B3GLCT: variants seen among roughly 807,000 people sequenced by gnomAD.
The protein encoded by B3GLCT is beta 3-glucosyltransferase.
In B3GLCT, 65 loss-of-function variants were observed where a neutral mutation model predicts 63.4. The ratio of observed to expected loss-of-function variants is 1.03; its 90% CI spans 0.84 to 1.26. The LOEUF (loss-of-function observed/expected upper bound fraction) is 1.26, where lower values mean the gene tolerates loss of function less well. B3GLCT is among the 50% of genes most tolerant of loss of function. B3GLCT has a pLI of 0.00. For missense variants in B3GLCT, 577 were observed against 604.8 expected (o/e 0.95, Z 0.48); for synonymous variants, 233 against 219.2 (o/e 1.06, Z -0.55).
chr13:31,237,081 G>A (rs909043328), intron 4 of B3GLCT, among the ~76,000 whole-genome samples: 12 of 149,810 alleles, frequency 8.0e-5, no homozygotes, highest in African/African-American at 2.5e-4. Flanking sequence ...ACCCGAGATC[G>A]CACCACTGCA....
chr13:31,236,046 A>G (rs534055399), intron 4 of B3GLCT, among the ~76,000 whole-genome samples: 1 of 152,296 alleles, frequency 6.6e-6, no homozygotes, highest in African/African-American at 2.4e-5. Flanking sequence ...ATTTCCTTGG[A>G]TGCTCATTTG....
chr13:31,222,438 A>G (rs1452122087), intron 2 of B3GLCT, among the ~76,000 whole-genome samples: 1 of 152,154 alleles, frequency 6.6e-6, no homozygotes, highest in East Asian at 1.9e-4. Flanking sequence ...GCAGGCCCCT[A>G]GGACTACTCC....
intron 8 of B3GLCT, among the ~76,000 whole-genome samples, chr13:31,273,185 C>T (rs192207014): frequency 1.1e-3 from 169 of 152,340 alleles, no homozygotes; most frequent in Non-Finnish European, 2.0e-3. Flanking sequence ...ACCTCCATCT[C>T]CCGGGTTCAA....
chr13:31,296,245 C>T (rs1873937009), intron 12 of B3GLCT, among the ~76,000 whole-genome samples: 1 of 152,246 alleles, frequency 6.6e-6, no homozygotes, highest in African/African-American at 2.4e-5. Flanking sequence ...CAGACCGGAG[C>T]TGTTCCTATT....
intron 6 of B3GLCT, among the ~76,000 whole-genome samples, chr13:31,253,056 A>G (rs1384524103): frequency 6.6e-6 from 1 of 152,224 alleles, no homozygotes. Context: ...GGACTAAGAA[A>G]CTCACTCAAA....
At chr13:31,284,363 A>T (rs1250694975) in intron 10 of B3GLCT, among the ~76,000 whole-genome samples, 1 of 152,222 alleles carries the variant, frequency 6.6e-6, no homozygotes, top group Non-Finnish European at 1.5e-5. Context: ...ATGTAAACAC[A>T]ATAGCATAAT....
intron 3 of B3GLCT, among the ~76,000 whole-genome samples, chr13:31,225,573 G>A (rs1870054427): frequency 6.6e-6 from 1 of 152,232 alleles, no homozygotes; most frequent in Non-Finnish European, 1.5e-5. Context: ...TAGCATGTCA[G>A]TGATCTTCCG....
intron 4 of B3GLCT, 101 bp from the exon 5 acceptor site, chr13:31,246,921 CT>C (rs1178195394): frequency 1.7e-5 from 16 of 932,648 alleles, no homozygotes; most frequent in Admixed American, 5.4e-5. Flanking sequence ...CAAGCCTTTT[CT>C]TTTTTTCTTT....
chr13:31,316,407 T>TTTTATATATATATATATATATA lies in B3GLCT; in HGVS notation c.1065-1158_1065-1157insTTATATATATATATATATATAT, dbSNP rs1239451482. On this transcript the variant is annotated intron_variant, in intron 12 of 14. Transcript: ENST00000343307. Reference sequence around the variant, plus strand: ...TGGAATCAAGGAGATTTTGGAGGTTTTATATATATATATATATATATATAA... The same window carrying TTTTATATATATATATATATATA: ...TGGAATCAAGGAGATTTTGGAGGTTTTTTATATATATATATATATATATATATATATATATATATATATATAA... 2.6e-3 allele frequency among the ~76,000 whole-genome samples: 107 copies of TTTTATATATATATATATATATA among 40,834 alleles called. 2 individuals carry two copies. Among genetic ancestry groups the TTTTATATATATATATATATATA allele is most frequent in the African/African-American group, 6.2e-3 (94 of 15,264 alleles). 26.8% of individuals were successfully genotyped at this position (40,834 alleles called of 152,430 possible). A position where few individuals can be genotyped will look rare whatever the true frequency, so the allele number is the denominator to read the frequency against.
At chr13:31,242,892 A>G (rs1379512077) in intron 4 of B3GLCT, among the ~76,000 whole-genome samples, 1 of 152,224 alleles carries the variant, frequency 6.6e-6, no homozygotes, top group South Asian at 2.1e-4. Flanking sequence ...TCAGATTCCT[A>G]GAAGGTATGT....
At chr13:31,228,370 G>C (rs556560508) in intron 3 of B3GLCT, among the ~76,000 whole-genome samples, 231 of 152,340 alleles carry the variant, frequency 1.5e-3, no homozygotes, top group Non-Finnish European at 2.5e-3. Context: ...GAACATTCTT[G>C]AAGTAGTGTA....
intron 12 of B3GLCT, among the ~76,000 whole-genome samples, chr13:31,308,358 A>C (rs866955055): frequency 0.095 from 3,330 of 35,176 alleles, 407 homozygotes; most frequent in African/African-American, 0.14. Context: ...AAAAAAAAAA[A>C]AACAAAAAAA....
At chr13:31,253,621 A>AAT (rs1871560141) in intron 6 of B3GLCT, among the ~76,000 whole-genome samples, 1 of 138,930 alleles carries the variant, frequency 7.2e-6, no homozygotes, top group African/African-American at 2.6e-5. Context: ...AAAAAAAAAA[A>AAT]CTAGAGAAGC....
chr13:31,208,958 G>A lies in B3GLCT; in HGVS notation c.71-6093G>A, dbSNP rs188009700. 2.8e-3 allele frequency among the ~76,000 whole-genome samples: 424 copies of A among 151,946 alleles called. 1 individual carries two copies. Among genetic ancestry groups the A allele is most frequent in the Middle Eastern group, 0.01 (3 of 294 alleles). Reference sequence around the variant, plus strand: ...CCCCTCCTCAGAGGGGTCCCTGCCCGGCCGGGTCACCCCCTCCCCTCAAGG... The same window carrying A: ...CCCCTCCTCAGAGGGGTCCCTGCCCAGCCGGGTCACCCCCTCCCCTCAAGG... On this transcript the variant is annotated intron_variant, in intron 1 of 14. Transcript: ENST00000343307.
chr13:31,202,132 G>C (rs1039234344), intron 1 of B3GLCT, among the ~76,000 whole-genome samples: 1 of 152,216 alleles, frequency 6.6e-6, no homozygotes, highest in Non-Finnish European at 1.5e-5. Context: ...GAACAATCTT[G>C]ATAGTTTATA....
intron 4 of B3GLCT, among the ~76,000 whole-genome samples, chr13:31,230,810 C>A (rs182063889): frequency 6.6e-6 from 1 of 152,126 alleles, no homozygotes; most frequent in African/African-American, 2.4e-5. Flanking sequence ...GAGATCGAGA[C>A]CATCCTGGCC....
intron 8 of B3GLCT, among the ~76,000 whole-genome samples, chr13:31,271,571 G>A (rs532630346): frequency 1.3e-5 from 2 of 152,108 alleles, no homozygotes; most frequent in Non-Finnish European, 2.9e-5. Flanking sequence ...TGGTGTTTCT[G>A]TTATTGATTT....
At chr13:31,311,257 A>G (rs953096617) in intron 12 of B3GLCT, 1 of 152,286 alleles carries the variant, frequency 6.6e-6, no homozygotes, top group African/African-American at 2.4e-5. Flanking sequence ...CAGCCAAACC[A>G]TATCAATATA....
intron 12 of B3GLCT, among the ~76,000 whole-genome samples, chr13:31,308,402 T>C (rs527776706): frequency 6.8e-6 from 1 of 147,922 alleles, no homozygotes; most frequent in African/African-American, 2.5e-5. Context: ...AGATGAAATG[T>C]ATCAGCTGCA....
Sources: gnomAD v4.1 joint callset for allele counts (sites outside exome capture counted in the v4.1 genomes callset) on GRCh38, gnomAD v4.1.1 for gene constraint, MANE v1.5 for transcripts, NCBI Gene and HGNC (gene_info 2026-07-23, HGNC 2026-07-21) for gene names.